USP31: variants seen among roughly 807,000 people sequenced by gnomAD.
USP31 encodes the protein ubiquitin specific peptidase 31, also known as ubiquitin carboxyl-terminal hydrolase 31.
A neutral mutation model predicts 119.4 loss-of-function variants in USP31; 44 were observed. That is an observed-to-expected ratio of 0.37 (90% CI 0.29 to 0.47). The LOEUF (loss-of-function observed/expected upper bound fraction) is 0.47, where lower values mean the gene tolerates loss of function less well. Among genes scored for constraint, USP31 ranks in the 20% least tolerant of loss-of-function variants. USP31 has a pLI of 0.99. For synonymous variants in USP31, 749 were observed against 705.6 expected, an observed-to-expected ratio of 1.06 and a Z score of -0.97; for missense variants, 1,643 against 1,730.2, an observed-to-expected ratio of 0.95 and a Z score of 0.89.
chr16:23,084,073 A>C (rs116630454), intron 11 of USP31, among the ~76,000 whole-genome samples: 477 of 152,348 alleles, frequency 3.1e-3, no homozygotes, highest in African/African-American at 9.3e-3. Context: ...CAACCACCAG[A>C]ATAAAAGAGT....
rs1901325647 is a variant in USP31 at position 23,090,760 on chromosome 16, C to T, written c.1279G>A (p.Asp427Asn). 2 of 1,608,216 alleles carry T rather than the reference C, an allele frequency of 1.2e-6. No individual in the cohort carries two copies. The highest frequency in any genetic ancestry group is 2.2e-5 in the East Asian group (1 of 44,848). The change falls in exon 7 of 16, where the codon GAT becomes AAT. Residue 427 changes from aspartate (D) to asparagine (N), a missense_variant. By Grantham distance (23) the Asp-to-Asn change is conservative (BLOSUM62 1). Transcript: ENST00000219689. ...NNLNHLKFGL[D>N]YHRLSSPTQT... The stretch of plus-strand genomic sequence containing the variant: ...GTAGGAGAAGACAGTCTATGATAAT[C>T]CAAGCCAAATTTCAAGTGGTTTAGG...
chr16:23,093,121 G>A (rs1049831447), intron 6 of USP31, among the ~76,000 whole-genome samples: 1 of 152,194 alleles, frequency 6.6e-6, no homozygotes, highest in Non-Finnish European at 1.5e-5. Context: ...GACCTTGGAT[G>A]TGGTGACGGA....
At position 23,148,773 on chromosome 16, in the gene USP31, G is replaced by A. The variant is rs752232479; in HGVS notation, c.498C>T (p.Pro166=). 1 of 1,530,868 alleles carries A rather than the reference G, an allele frequency of 6.5e-7. No individual in the cohort carries two copies. The highest frequency in any genetic ancestry group is 8.7e-7 in the Non-Finnish European group (1 of 1,144,480). The allele number at this position is 1,530,868 out of a possible 1,614,324, so 94.8% of individuals were successfully genotyped here. Residue 166 remains proline, a synonymous_variant, in exon 1 of 16, where the codon CCC becomes CCT. Coordinates refer to ENST00000219689, the MANE Select transcript of USP31 (RefSeq NM_020718.4). ...LALGQYRAGR[P]EPSPDPEQPA... Reference sequence around the variant, plus strand: ...GCTGCTCCGGGTCAGGCGAGGGCTCGGGCCGCCCCGCCCGGTACTGGCCCA... The same window carrying A: ...GCTGCTCCGGGTCAGGCGAGGGCTCAGGCCGCCCCGCCCGGTACTGGCCCA...
At position 23,065,182 on chromosome 16, in the gene USP31, T is replaced by C. The variant is rs1003710989; in HGVS notation, c.*2864A>G. ...GATACAACATTACTGTTGGTGATTA[T>C]TTTGTGCCTACCAGGAGATGACTGC... On this transcript the variant is annotated 3_prime_UTR_variant, in exon 16 of 16. Transcript: ENST00000219689. 1 of 152,088 alleles carries C rather than the reference T, an allele frequency of 6.6e-6. No individual in the cohort carries two copies. Among genetic ancestry groups the C allele is most frequent in the Non-Finnish European group, 1.5e-5 (1 of 68,008 alleles). The allele number at this position is 152,088 out of a possible 1,614,324, so 9.4% of individuals were successfully genotyped here.
chr16:23,068,533 C>T lies in USP31; in HGVS notation c.3572G>A (p.Gly1191Glu), dbSNP rs1490066916. The T allele has an allele frequency of 3.1e-6, 5 of 1,613,884 alleles. No individual in the cohort carries two copies. Among genetic ancestry groups the T allele is most frequent in the Non-Finnish European group, 4.2e-6 (5 of 1,179,920 alleles). ...GGAGCTCCGCACGTGCTTCCCGGCC[C>T]CCCTGCCCTCCCCTGCTCGGGCCTG... ...VSQARAGEGR[G>E]AGKHVRSSSM... Residue 1191 changes from glycine to glutamate, a missense_variant, in exon 16 of 16, where the codon GGG (glycine) becomes GAG (glutamate). By Grantham distance (98) the Gly-to-Glu change is moderately conservative. Around this residue, in one of 5 missense-constraint regions of USP31, gnomAD observed 699 missense variants for 650.9 expected, o/e 1.07. Coordinates refer to ENST00000219689, the MANE Select transcript of USP31 (RefSeq NM_020718.4).
At chr16:23,085,469 A>T in intron 10 of USP31, 116 bp downstream of exon 10, 1 of 918,360 alleles carries the variant, frequency 1.1e-6, no homozygotes, top group South Asian at 1.5e-5. Context: ...ACACCTGGAT[A>T]CTTAGCTAAA....
rs1253700844 is a variant in USP31 at position 23,080,011 on chromosome 16, T to C, written c.2111A>G (p.Asp704Gly). The change falls in exon 13 of 16, where the codon GAC becomes GGC. Residue 704 changes from aspartate (D) to glycine (G), a missense_variant. Physicochemically the swap from Asp to Gly is moderately conservative, Grantham distance 94 (BLOSUM62 -1). Around this residue, in one of 5 missense-constraint regions of USP31, gnomAD observed 279 missense variants for 372.2 expected, o/e 0.75. Transcript: ENST00000219689. Reference protein sequence around the residue: ...RPYGLGRDPEDYIYDLYAVCN... With the variant: ...RPYGLGRDPEGYIYDLYAVCN... ...CACAGCATACAGGTCATAGATGTAG[T>C]CCTCAGGGTCCCTCCCGAGTCCATA... The C allele has an allele frequency of 1.9e-6, 3 of 1,614,056 alleles. No homozygotes were observed. The highest frequency in any genetic ancestry group is 2.2e-5 in the South Asian group (2 of 91,058).
chr16:23,108,539 T>C (rs1479256198), intron 1 of USP31, among the ~76,000 whole-genome samples: 2 of 152,210 alleles, frequency 1.3e-5, no homozygotes, highest in Admixed American at 1.3e-4. Flanking sequence ...TAGGAGGAGA[T>C]GAAACAGTAA....
chr16:23,137,829 A>G (rs1351845609), intron 1 of USP31, among the ~76,000 whole-genome samples: 1 of 151,858 alleles, frequency 6.6e-6, no homozygotes, highest in Non-Finnish European at 1.5e-5. Context: ...AAAACGTCCA[A>G]AGGAAGAGGA....
intron 1 of USP31, among the ~76,000 whole-genome samples, chr16:23,132,620 T>C (rs1903064307): frequency 1.3e-5 from 2 of 152,200 alleles, no homozygotes; most frequent in Non-Finnish European, 2.9e-5. Flanking sequence ...TAAGAGATAG[T>C]TCCATGTTTA....
intron 1 of USP31, among the ~76,000 whole-genome samples, chr16:23,122,511 G>A (rs1452236822): frequency 1.3e-5 from 2 of 152,158 alleles, no homozygotes; most frequent in Non-Finnish European, 2.9e-5. Flanking sequence ...GTATGTGAAT[G>A]TTCACAGCAG....
At chr16:23,070,318 G>A (rs1900291467) in intron 15 of USP31, among the ~76,000 whole-genome samples, 1 of 152,118 alleles carries the variant, frequency 6.6e-6, no homozygotes, top group Admixed American at 6.5e-5. Flanking sequence ...ATGTAAGCTG[G>A]CCTGTCATTG....
In USP31 at chr16:23,064,029, C is replaced by G. The variant is rs766737719; in HGVS notation, c.*4017G>C. The G allele has an allele frequency of 2.6e-4, 39 of 152,706 alleles. No homozygotes were observed. The highest frequency in any genetic ancestry group is 3.4e-3 in the Middle Eastern group (1 of 294). 9.5% of individuals were successfully genotyped at this position (152,706 alleles called of 1,614,324 possible). A position where few individuals can be genotyped will look rare whatever the true frequency, so the allele number is the denominator to read the frequency against. On this transcript the variant is annotated 3_prime_UTR_variant, in exon 16 of 16. Transcript: ENST00000219689. The stretch of plus-strand genomic sequence containing the variant: ...TTAAAGACAGCCTGCACAGTAACAG[C>G]TACTTTTTGTGTTCGTTTGTGATAG...
intron 7 of USP31, among the ~76,000 whole-genome samples, chr16:23,090,338 A>G (rs1001334514): frequency 6.6e-6 from 1 of 152,174 alleles, no homozygotes; most frequent in Admixed American, 6.5e-5. Flanking sequence ...GTGAACCGAG[A>G]TCGCGCAACT....
intron 6 of USP31, among the ~76,000 whole-genome samples, chr16:23,100,420 T>C (rs916973874): frequency 2.0e-5 from 3 of 152,188 alleles, no homozygotes; most frequent in African/African-American, 2.4e-5. Flanking sequence ...CAAAATACCA[T>C]GTATTTTATT....
At chr16:23,143,806 C>T (rs1249474931) in intron 1 of USP31, among the ~76,000 whole-genome samples, 2 of 152,080 alleles carry the variant, frequency 1.3e-5, no homozygotes, top group African/African-American at 4.8e-5. Context: ...AATCTACCAC[C>T]ACATGCCAGT....
At chr16:23,115,211 A>AT (rs11457132) in intron 1 of USP31, among the ~76,000 whole-genome samples, 42,725 of 151,894 alleles carry the variant, frequency 0.28, 6,351 homozygotes, top group Admixed American at 0.35. Flanking sequence ...GCCTTTTACG[A>AT]TTTTTTTTCA....
chr16:23,112,209 C>T (rs1902340119), intron 1 of USP31, among the ~76,000 whole-genome samples: 3 of 152,146 alleles, frequency 2.0e-5, no homozygotes, highest in African/African-American at 7.2e-5. Context: ...CATCATGGTA[C>T]AAAACCTCCC....
rs1308081056 is a variant in USP31, at chr16:23,098,788, G to A, written c.1234+3531C>T. Among the ~76,000 whole-genome samples the A allele has an allele frequency of 2.0e-5, 3 of 152,136 alleles. No individual in the cohort carries two copies. In the East Asian group the frequency reaches 5.8e-4, roughly 29 times the overall value. ...AGCCATATGTAGAAAGCTGAAACTG[G>A]ATCTCTTCCTTACACCTTATACAAA... is the stretch of plus-strand genomic sequence containing the variant. On this transcript the variant is annotated intron_variant, in intron 6 of 15. Coordinates refer to ENST00000219689, the MANE Select transcript of USP31 (RefSeq NM_020718.4).
Sources: gnomAD v4.1 joint callset for allele counts (sites outside exome capture counted in the v4.1 genomes callset) on GRCh38, gnomAD v4.1.1 for gene constraint, gnomAD v4.1.1 regional missense constraint, MANE v1.5 for transcripts, NCBI Gene and HGNC (gene_info 2026-07-23, HGNC 2026-07-21) for gene names.